SLC22A3: variants seen among roughly 807,000 people sequenced by gnomAD.
SLC22A3 encodes solute carrier family 22 member 3.
In SLC22A3, 51 loss-of-function variants were observed where a neutral mutation model predicts 59.1. The observed-to-expected ratio is 0.86, with a 90% confidence interval of 0.69 to 1.09. The LOEUF (loss-of-function observed/expected upper bound fraction) is 1.09. Ranked by LOEUF, SLC22A3 falls within the 50% of genes least tolerant of loss-of-function variation. The pLI is 0.00. For missense variants in SLC22A3, 711 were observed against 726.3 expected, an observed-to-expected ratio of 0.98 and a Z score of 0.24; for synonymous variants, 325 against 292.0, an observed-to-expected ratio of 1.11 and a Z score of -1.15.
rs967249330 is a variant in SLC22A3 at position 160,423,052 on chromosome 6, A to G, written c.975+12206A>G. Among the ~76,000 whole-genome samples the G allele has an allele frequency of 3.9e-5, 6 of 152,166 alleles. No individual in the cohort carries two copies. The East Asian group carries it at 5.8e-4, about 15-fold the overall frequency. On this transcript the variant is annotated intron_variant, in intron 5 of 10. Coordinates refer to ENST00000275300, the MANE Select transcript of SLC22A3 (RefSeq NM_021977.4). ...TGTGTCCAAGTGTTCTCATTGTTCAATTCCCACCTATGAGTGAGAACATGC... is the reference window on the plus strand; with the variant it reads ...TGTGTCCAAGTGTTCTCATTGTTCAGTTCCCACCTATGAGTGAGAACATGC...
At chr6:160,394,918 G>C (rs745421539) in intron 1 of SLC22A3, among the ~76,000 whole-genome samples, 14 of 152,288 alleles carry the variant, frequency 9.2e-5, no homozygotes, top group Non-Finnish European at 2.9e-5. Context: ...TGCTGCCACA[G>C]CCAGAAGCAG....
intron 1 of SLC22A3, 149 bp downstream of exon 1, chr6:160,348,997 G>T (rs1784572565): frequency 1.3e-6 from 2 of 1,500,244 alleles, no homozygotes; most frequent in Admixed American, 2.1e-5. Flanking sequence ...AGGATTCAGC[G>T]CACCCTTGGA....
intron 1 of SLC22A3, among the ~76,000 whole-genome samples, chr6:160,390,988 C>T (rs941561995): frequency 6.6e-6 from 1 of 152,144 alleles, no homozygotes; most frequent in African/African-American, 2.4e-5. Flanking sequence ...TGCATCACCC[C>T]AATCTCTGTC....
chr6:160,393,803 T>A (rs1462256503), intron 1 of SLC22A3, among the ~76,000 whole-genome samples: 1 of 152,270 alleles, frequency 6.6e-6, no homozygotes, highest in African/African-American at 2.4e-5. Context: ...ATCTAATAAT[T>A]ACTTGCCCCA....
chr6:160,369,888 G>A (rs1314708721), intron 1 of SLC22A3, among the ~76,000 whole-genome samples: 1 of 152,218 alleles, frequency 6.6e-6, no homozygotes, highest in Non-Finnish European at 1.5e-5. Flanking sequence ...GCTCCACAAA[G>A]TGCAGCTTCA....
Position 160,348,764 on chromosome 6 carries a change from C to G in SLC22A3, c.345C>G (p.Ala115=). Residue 115 remains alanine, a synonymous_variant, in exon 1 of 11, where the codon GCC becomes GCG. Transcript: ENST00000275300. ...TSALSCADPL[A]AFPNRSAPLV... ...CTCTCAGCTGCGCGGACCCACTCGC[C>G]GCCTTCCCCAACCGCTCGGCTCCCC... The G allele has an allele frequency of 2.6e-6, 4 of 1,544,524 alleles. No homozygotes were observed. The highest frequency in any genetic ancestry group is 3.5e-6 in the Non-Finnish European group (4 of 1,151,406).
intron 5 of SLC22A3, among the ~76,000 whole-genome samples, chr6:160,427,736 A>G (rs1788014316): frequency 6.6e-6 from 1 of 152,224 alleles, no homozygotes; most frequent in South Asian, 2.1e-4. Context: ...GAATTCACTC[A>G]AACTTGCTTT....
In SLC22A3 at chr6:160,400,353, G is replaced by A. The variant is rs557750246; in HGVS notation, c.533+2271G>A. Reference sequence around the variant, plus strand: ...TTCTAGCCTTCCAAGTGGAGAAAGAGAAACACCAAATTCTAGCCTCCTCTA... The same window carrying A: ...TTCTAGCCTTCCAAGTGGAGAAAGAAAAACACCAAATTCTAGCCTCCTCTA... On this transcript the variant is annotated intron_variant, in intron 2 of 10. Transcript: ENST00000275300. 1.3e-4 allele frequency among the ~76,000 whole-genome samples: 19 copies of A among 152,000 alleles called. No individual in the cohort carries two copies. In the East Asian group the frequency reaches 3.7e-3, roughly 29 times the overall value.
In SLC22A3 at chr6:160,410,925, G is replaced by T. The variant is rs1787221800; in HGVS notation, c.975+79G>T. 10 of 782,228 alleles carry T rather than the reference G, an allele frequency of 1.3e-5. 1 individual carries two copies. In the South Asian group the frequency reaches 1.3e-4, roughly 10 times the overall value. 48.5% of individuals were successfully genotyped at this position (782,228 alleles called of 1,614,324 possible). A position where few individuals can be genotyped will look rare whatever the true frequency, so the allele number is the denominator to read the frequency against. On this transcript the variant is annotated intron_variant, in intron 5 of 10. Transcript: ENST00000275300. ...TGTTGCTTCTTGTGTACTTAATGTT[G>T]CTTCTTAAATTTATATACAAAATAT...
chr6:160,415,176 A>C lies in SLC22A3; in HGVS notation c.975+4330A>C, dbSNP rs1204266103. ...TCTTCAAGAGAAGGATTTAACATTT[A>C]AGTTTAAAACACCTTGCTAAAAGCG... On this transcript the variant is annotated intron_variant, in intron 5 of 10. Transcript: ENST00000275300. This position sits in a 1 kb window ranked among gnomAD's most constrained non-coding sequence, Gnocchi z 4.1. Among the ~76,000 whole-genome samples, 2 of 152,246 alleles carry C rather than the reference A, an allele frequency of 1.3e-5. No homozygotes were observed. Among genetic ancestry groups the C allele is most frequent in the Non-Finnish European group, 2.9e-5 (2 of 68,038 alleles).
chr6:160,424,860 A>T (rs1217878148), intron 5 of SLC22A3, among the ~76,000 whole-genome samples: 1 of 152,234 alleles, frequency 6.6e-6, no homozygotes, highest in African/African-American at 2.4e-5. Flanking sequence ...TTTATGGCAC[A>T]GAGTGAAATA....
At chr6:160,364,935 T>C (rs1314275547) in intron 1 of SLC22A3, among the ~76,000 whole-genome samples, 1 of 152,190 alleles carries the variant, frequency 6.6e-6, no homozygotes, top group South Asian at 2.1e-4. Context: ...ACATTATCTT[T>C]TACCTTATTG....
At chr6:160,358,570 C>T (rs775514156) in intron 1 of SLC22A3, among the ~76,000 whole-genome samples, 1 of 152,138 alleles carries the variant, frequency 6.6e-6, no homozygotes, top group Non-Finnish European at 1.5e-5. Context: ...GGGTAGAGGT[C>T]GGAGCTACCA....
chr6:160,408,321 A>G (rs1037600149), intron 3 of SLC22A3, among the ~76,000 whole-genome samples: 10 of 152,242 alleles, frequency 6.6e-5, no homozygotes, highest in African/African-American at 2.4e-4. Context: ...TCTTATATTT[A>G]TAATGAATCT....
rs367567696 is a variant in SLC22A3 at position 160,449,203 on chromosome 6, G to C, written c.1610+1385G>C. Among the ~76,000 whole-genome samples the C allele has an allele frequency of 3.3e-5, 5 of 152,102 alleles. No homozygotes were observed. In the East Asian group the frequency reaches 5.8e-4, roughly 18 times the overall value. ...AGTAACATTAAAAATAAACAGCTAG[G>C]AGAGGTTTTTTTGTTTTTGTTTTTG... On this transcript the variant is annotated intron_variant, in intron 10 of 10. Transcript: ENST00000275300.
In SLC22A3 at chr6:160,443,656, G is replaced by A. The variant is rs770377274; in HGVS notation, c.1424G>A (p.Gly475Asp). The change falls in exon 9 of 11, where the codon GGT becomes GAT. Residue 475 changes from glycine (G) to aspartate (D), a missense_variant. Coordinates refer to ENST00000275300, the MANE Select transcript of SLC22A3 (RefSeq NM_021977.4). ...AATTTCGGAGTTTCGCTCTGTTCAGGTCTGTGTGATTTTGGGGGAATCATA... is the reference window on the plus strand; with the variant it reads ...AATTTCGGAGTTTCGCTCTGTTCAGATCTGTGTGATTTTGGGGGAATCATA... ...LRNFGVSLCS[G>D]LCDFGGIIAP... The A allele has an allele frequency of 4.8e-5, 78 of 1,613,950 alleles. No individual in the cohort carries two copies. The highest frequency in any genetic ancestry group is 4.8e-5 in the Non-Finnish European group (57 of 1,179,914).
chr6:160,399,081 A>G (rs1160786032), intron 2 of SLC22A3, among the ~76,000 whole-genome samples: 1 of 152,232 alleles, frequency 6.6e-6, no homozygotes, highest in African/African-American at 2.4e-5. Context: ...CAGTGCTTCA[A>G]AATGGGTAGA....
At position 160,398,065 on chromosome 6, in the gene SLC22A3, A is replaced by T. The variant is rs1453472245; in HGVS notation, c.516A>T (p.Leu172Phe). 1.2e-6 allele frequency: 2 copies of T among 1,613,454 alleles called. No individual in the cohort carries two copies. The highest frequency in any genetic ancestry group is 3.3e-5 in the Admixed American group (2 of 60,020). The change falls in exon 2 of 11, where the codon TTA (leucine) becomes TTT (phenylalanine). Residue 172 changes from leucine to phenylalanine, a missense_variant. Leu to Phe is a conservative substitution (Grantham distance 22). Transcript: ENST00000275300. ...NLGFLTGAFT[L>F]GYAADRYGRI... ...GCTTCCTGACTGGAGCATTCACCTT[A>T]GGCTATGCAGCAGACAGGTAGGTAC...
At chr6:160,408,401 T>A (rs1787108063) in intron 3 of SLC22A3, among the ~76,000 whole-genome samples, 1 of 152,214 alleles carries the variant, frequency 6.6e-6, no homozygotes, top group African/African-American at 2.4e-5. Flanking sequence ...AACATATTTA[T>A]GTTTTGATAA....
Sources: allele counts gnomAD v4.1 joint callset (sites outside exome capture counted in the v4.1 genomes callset), GRCh38; gene constraint gnomAD v4.1.1; non-coding constraint Gnocchi (gnomAD v3.1); transcripts MANE v1.5; gene names NCBI Gene and HGNC (gene_info 2026-07-23, HGNC 2026-07-21).